The following OPA3 variants were observed in gnomAD, a reference collection of about 807,000 sequenced individuals.
The protein encoded by OPA3 is optic atrophy 3 protein.
In OPA3, 6 loss-of-function variants were observed where a neutral mutation model predicts 4.0. That is an observed-to-expected ratio of 1.51 (90% CI 0.83 to 2.99). The LOEUF (loss-of-function observed/expected upper bound fraction) is 2.99, where lower values mean the gene tolerates loss of function less well. Ranked by LOEUF, OPA3 falls within the 30% of genes most tolerant of loss-of-function variation. The probability of loss-of-function intolerance (pLI) is 0.00; values close to 1 mark genes in which losing one functional copy is unlikely to be tolerated. For missense variants in OPA3, 235 were observed against 256.2 expected, an observed-to-expected ratio of 0.92 and a Z score of 0.56; for synonymous variants, 105 against 117.1, an observed-to-expected ratio of 0.90 and a Z score of 0.67.
At chr19:45,582,662 AGTTCCTGG>A (rs1023921302) in intron 1 of OPA3, among the ~76,000 whole-genome samples, 1 of 151,370 alleles carries the variant, frequency 6.6e-6, no homozygotes, top group Admixed American at 6.6e-5. Context: ...GCGCTCAGTC[AGTTCCTGG>A]GTTGGGGGGC....
chr19:45,548,565 C>T lies in OPA3; in HGVS notation c.*4949G>A, dbSNP rs544881797. The T allele has an allele frequency of 2.8e-4, 278 of 985,344 alleles. No homozygotes were observed. In the African/African-American group the frequency reaches 4.6e-3, roughly 16 times the overall value. 61.0% of individuals were successfully genotyped at this position (985,344 alleles called of 1,614,324 possible). A position where few individuals can be genotyped will look rare whatever the true frequency, so the allele number is the denominator to read the frequency against. Reference sequence around the variant, plus strand: ...TGTGAGCATCTGTAAGACCCGGTGACGGCAGGGCTGGGGCTGTCTCTGTCA... The same window carrying T: ...TGTGAGCATCTGTAAGACCCGGTGATGGCAGGGCTGGGGCTGTCTCTGTCA... On this transcript the variant is annotated 3_prime_UTR_variant, in exon 2 of 2. Transcript: ENST00000263275.
chr19:45,553,393 GC>G lies in OPA3; in HGVS notation c.*120del. 1 of 1,589,094 alleles carries G rather than the reference GC, an allele frequency of 6.3e-7. No individual in the cohort carries two copies. The highest frequency in any genetic ancestry group is 8.5e-7 in the Non-Finnish European group (1 of 1,174,632). ...CTCTTATCAGCAGGGGTAACCAAAT[GC>G]CAAGTTGCATCAAGATCCTGGTGGT... On this transcript the variant is annotated 3_prime_UTR_variant, in exon 2 of 2. Coordinates refer to ENST00000263275, the MANE Select transcript of OPA3 (RefSeq NM_025136.4).
chr19:45,570,983 G>GGGA (rs1969656336), intron 1 of OPA3, among the ~76,000 whole-genome samples: 1 of 122,864 alleles, frequency 8.1e-6, no homozygotes, highest in African/African-American at 3.6e-5. Context: ...CTATTTGGGG[G>GGGA]GGGGGGGCAT....
In OPA3 at chr19:45,550,249, G is replaced by A; in HGVS notation, c.*3265C>T. 1.0e-6 allele frequency: 1 copy of A among 985,416 alleles called. No homozygotes were observed. The highest frequency in any genetic ancestry group is 1.2e-6 in the Non-Finnish European group (1 of 829,920). The allele number at this position is 985,416 out of a possible 1,614,324, so 61.0% of individuals were successfully genotyped here. A position where few individuals can be genotyped will look rare whatever the true frequency, so the allele number is the denominator to read the frequency against. ...TCTATCTGGGCAGATCTTGGTCCAG[G>A]CCAGTTTTACCTCTTTAGAGAAGGG... On this transcript the variant is annotated 3_prime_UTR_variant, in exon 2 of 2. Coordinates refer to ENST00000263275, the MANE Select transcript of OPA3 (RefSeq NM_025136.4).
At chr19:45,576,452 C>G (rs752815001) in intron 1 of OPA3, among the ~76,000 whole-genome samples, 4 of 151,828 alleles carry the variant, frequency 2.6e-5, no homozygotes, top group Non-Finnish European at 5.9e-5. Flanking sequence ...GCAGGAGAAT[C>G]GCTTGAACCC....
At chr19:45,574,096 C>CA (rs1026108198) in intron 1 of OPA3, among the ~76,000 whole-genome samples, 7 of 147,022 alleles carry the variant, frequency 4.8e-5, no homozygotes, top group Admixed American at 1.4e-4. Flanking sequence ...GACTCCATCT[C>CA]AAAAAAAACA....
At chr19:45,553,964 C>T in intron 1 of OPA3, 53 bp from the exon 2 acceptor site, 1 of 1,450,880 alleles carries the variant, frequency 6.9e-7, no homozygotes, top group African/African-American at 1.4e-5. Flanking sequence ...CTGCAAGCCC[C>T]ACCCCTCTCA....
chr19:45,537,410 A>AAAAAAACAAG (rs1969132147), intron 1 of OPA3, among the ~76,000 whole-genome samples: 1 of 120,060 alleles, frequency 8.3e-6, no homozygotes, highest in Non-Finnish European at 1.7e-5. Flanking sequence ...AAAAAAAAAA[A>AAAAAAACAAG]AAAAAAAAAA....
At chr19:45,542,185 T>C (rs1969193006), downstream of OPA3, among the ~76,000 whole-genome samples, 1 of 152,178 alleles carries the variant, frequency 6.6e-6, no homozygotes, top group East Asian at 1.9e-4. Flanking sequence ...GTGGTCCTCA[T>C]GAAGACCACC....
chr19:45,582,106 T>TA (rs1969863902), intron 1 of OPA3, among the ~76,000 whole-genome samples: 1 of 151,918 alleles, frequency 6.6e-6, no homozygotes, highest in African/African-American at 2.4e-5. Flanking sequence ...CCAGGAGTCT[T>TA]ACCATTACTC....
rs542454467 is a variant in OPA3, at chr19:45,547,434, G to T, written c.*6080C>A. Reference sequence around the variant, plus strand: ...TTTATTTACAAAGACAGGAAGCAAGGGTCCCCTTGATTTGGCCCAAAGGCC... The same window carrying T: ...TTTATTTACAAAGACAGGAAGCAAGTGTCCCCTTGATTTGGCCCAAAGGCC... On this transcript the variant is annotated 3_prime_UTR_variant, in exon 2 of 2. Coordinates refer to ENST00000263275, the MANE Select transcript of OPA3 (RefSeq NM_025136.4). 6.6e-6 allele frequency: 1 copy of T among 152,304 alleles called. No individual in the cohort carries two copies. Among genetic ancestry groups the T allele is most frequent in the African/African-American group, 2.4e-5 (1 of 41,570 alleles). The allele number at this position is 152,304 out of a possible 1,614,324, so 9.4% of individuals were successfully genotyped here.
chr19:45,579,962 A>G (rs59183157), intron 1 of OPA3, among the ~76,000 whole-genome samples: 1 of 150,552 alleles, frequency 6.6e-6, no homozygotes, highest in Non-Finnish European at 1.5e-5. Flanking sequence ...AACCTATGTC[A>G]GTCTGACTCC....
chr19:45,582,166 ATTT>A (rs142724979), intron 1 of OPA3, among the ~76,000 whole-genome samples: 1 of 142,398 alleles, frequency 7.0e-6, no homozygotes, highest in Non-Finnish European at 1.5e-5. Flanking sequence ...ATTTTATTTT[ATTT>A]TTTTTTTTTG....
At chr19:45,581,452 C>T (rs1156671435) in intron 1 of OPA3, among the ~76,000 whole-genome samples, 1 of 152,200 alleles carries the variant, frequency 6.6e-6, no homozygotes, top group Non-Finnish European at 1.5e-5. Flanking sequence ...GAAGCCCTCC[C>T]TGAACCCCAT....
downstream of OPA3, among the ~76,000 whole-genome samples, chr19:45,541,400 CAG>C (rs989554445): frequency 3.3e-5 from 5 of 151,996 alleles, no homozygotes; most frequent in African/African-American, 4.8e-5. Flanking sequence ...TGACTGGATA[CAG>C]AGTCACCCCT....
intron 1 of OPA3, among the ~76,000 whole-genome samples, chr19:45,567,849 T>C (rs1367154417): frequency 6.6e-6 from 1 of 152,176 alleles, no homozygotes; most frequent in Non-Finnish European, 1.5e-5. Flanking sequence ...GTTAAGATCA[T>C]TTGCTGAGAT....
In OPA3 at chr19:45,529,295, A is replaced by G. The variant is rs753763361; in HGVS notation, c.304T>C (p.Trp102Arg). Reference sequence around the variant, plus strand: ...CGGCGCTGCTGCAACTGGTGGCGCCAATACTCCAGCATCAGGCAGCTGCAG... The same window carrying G: ...CGGCGCTGCTGCAACTGGTGGCGCCGATACTCCAGCATCAGGCAGCTGCAG... The change falls in exon 2 of 2, where the codon TGG (tryptophan) becomes CGG (arginine). Residue 102 changes from tryptophan to arginine, a missense_variant. Transcript: ENST00000323060. 4.8e-5 allele frequency: 78 copies of G among 1,613,974 alleles called. No homozygotes were observed. In the Admixed American group the frequency reaches 5.5e-4, roughly 11 times the overall value.
intron 1 of OPA3, among the ~76,000 whole-genome samples, chr19:45,574,484 C>T (rs968858373): frequency 2.4e-4 from 36 of 152,164 alleles, no homozygotes; most frequent in African/African-American, 8.4e-4. Flanking sequence ...ATGTCCCGGG[C>T]CAGGGCTCGC....
chr19:45,529,265 C>T (rs1314460721), exon 2 of OPA3: 1 of 1,613,928 alleles, frequency 6.2e-7, no homozygotes, highest in Non-Finnish European at 8.5e-7. Context: ...CGCTCCTTTT[C>T]CTTGCGGCGC....
Sources: allele counts gnomAD v4.1 joint callset (sites outside exome capture counted in the v4.1 genomes callset), GRCh38; gene constraint gnomAD v4.1.1; transcripts MANE v1.5; gene names NCBI Gene and HGNC (gene_info 2026-07-23, HGNC 2026-07-21).